Variants in ABCA5 observed in about 807,000 individuals in gnomAD.
The protein encoded by ABCA5 is cholesterol transporter ABCA5.
A neutral mutation model predicts 206.0 loss-of-function variants in ABCA5; 163 were observed. That is an observed-to-expected ratio of 0.79 (90% CI 0.70 to 0.90). The LOEUF (loss-of-function observed/expected upper bound fraction) is 0.90. Ranked by LOEUF, ABCA5 falls within the 40% of genes least tolerant of loss-of-function variation. The pLI, the probability that ABCA5 is intolerant of heterozygous loss-of-function variation, is 0.00. For synonymous variants in ABCA5, 609 were observed against 613.8 expected, an observed-to-expected ratio of 0.99 and a Z score of 0.11; for missense variants, 1,859 against 1,912.9, an observed-to-expected ratio of 0.97 and a Z score of 0.53.
chr17:69,295,490 A>G (rs557191061), intron 10 of ABCA5, among the ~76,000 whole-genome samples: 2 of 152,342 alleles, frequency 1.3e-5, no homozygotes, highest in South Asian at 2.1e-4. Context: ...CATTCGAAGT[A>G]TATGCTTGGA....
In ABCA5 at chr17:69,246,519, A is replaced by G. The variant is rs1171348705; in HGVS notation, c.*1018T>C. On this transcript the variant is annotated 3_prime_UTR_variant, in exon 39 of 39. Coordinates refer to ENST00000392676, the MANE Select transcript of ABCA5 (RefSeq NM_172232.4). ...CACTGCACTTACAATTCTTAATTTA[A>G]CCCTTGAAAGAGTTTATTCATATCC... The G allele has an allele frequency of 6.6e-6, 1 of 151,936 alleles. No individual in the cohort carries two copies. The highest frequency in any genetic ancestry group is 2.4e-5 in the African/African-American group (1 of 41,428). 9.4% of individuals were successfully genotyped at this position (151,936 alleles called of 1,614,324 possible). A position where few individuals can be genotyped will look rare whatever the true frequency, so the allele number is the denominator to read the frequency against.
At chr17:69,291,808 A>G (rs1033048413) in intron 11 of ABCA5, among the ~76,000 whole-genome samples, 1 of 152,116 alleles carries the variant, frequency 6.6e-6, no homozygotes, top group Non-Finnish European at 1.5e-5. Flanking sequence ...TGAAGCAGAA[A>G]TGGCTTATCA....
chr17:69,300,999 A>G, intron 9 of ABCA5, 140 bp downstream of exon 9: 1 of 661,208 alleles, frequency 1.5e-6, no homozygotes, highest in Non-Finnish European at 2.3e-6. Context: ...ATACTTATTT[A>G]AAGTCAAATT....
intron 8 of ABCA5, 55 bp from the exon 9 acceptor site, chr17:69,301,341 G>GCTAA: frequency 1.4e-6 from 2 of 1,471,636 alleles, no homozygotes; most frequent in Non-Finnish European, 1.8e-6. Flanking sequence ...ACAAGCAAAA[G>GCTAA]CTAACACTAC....
At chr17:69,300,438 A>G (rs2075640509) in intron 9 of ABCA5, among the ~76,000 whole-genome samples, 1 of 152,184 alleles carries the variant, frequency 6.6e-6, no homozygotes, top group Non-Finnish European at 1.5e-5. Context: ...GGGGGTTGGG[A>G]ACCTCTAGTC....
At chr17:69,298,531 C>G (rs2075617010) in intron 9 of ABCA5, among the ~76,000 whole-genome samples, 1 of 152,080 alleles carries the variant, frequency 6.6e-6, no homozygotes, top group Admixed American at 6.6e-5. Flanking sequence ...TTTATCAGTA[C>G]TTGGCATTCC....
chr17:69,250,568 A>C lies in ABCA5; in HGVS notation c.4589T>G (p.Leu1530Trp). Residue 1530 changes from leucine to tryptophan, a missense_variant, in exon 36 of 39, where the codon TTG (leucine) becomes TGG (tryptophan). Physicochemically the swap from Leu to Trp is moderately conservative, Grantham distance 61 (BLOSUM62 -2). Transcript: ENST00000392676. ...TATCCAGTCCTTCAATTTAATTTCC[A>C]AAAAGTAGCCTTTTCCAAATTTACT... ...LKSKFGKGYF[L>W]EIKLKDWIEN... 1.2e-6 allele frequency: 2 copies of C among 1,602,032 alleles called. No individual in the cohort carries two copies. Among genetic ancestry groups the C allele is most frequent in the Non-Finnish European group, 1.7e-6 (2 of 1,175,926 alleles).
In ABCA5 at chr17:69,309,442, A is replaced by G. The variant is rs376095034; in HGVS notation, c.308-19T>C. The G allele has an allele frequency of 7.2e-5, 107 of 1,476,872 alleles. 1 individual carries two copies. Among genetic ancestry groups the G allele is most frequent in the Non-Finnish European group, 8.4e-5 (92 of 1,098,902 alleles). 91.5% of individuals were successfully genotyped at this position (1,476,872 alleles called of 1,614,324 possible). On this transcript the variant is annotated intron_variant, in intron 3 of 38. Coordinates refer to ENST00000392676, the MANE Select transcript of ABCA5 (RefSeq NM_172232.4). ...ATTATGACTGTAAGATATCATAACA[A>G]TATAGTTAGCTCACAAATTAAAATA...
chr17:69,271,560 G>GAATTTAATTCTC (rs1259941143), intron 20 of ABCA5, among the ~76,000 whole-genome samples: 65 of 152,210 alleles, frequency 4.3e-4, no homozygotes, highest in African/African-American at 1.6e-3. Context: ...CTTATAGGTA[G>GAATTTAATTCTC]AGTGATCATC....
At chr17:69,298,632 T>G (rs904359653) in intron 9 of ABCA5, among the ~76,000 whole-genome samples, 1 of 152,066 alleles carries the variant, frequency 6.6e-6, no homozygotes, top group Admixed American at 6.6e-5. Context: ...CTGGGATAAT[T>G]GGCAAGCCAC....
intron 10 of ABCA5, among the ~76,000 whole-genome samples, chr17:69,296,748 T>A (rs1026332276): frequency 6.6e-6 from 1 of 152,176 alleles, no homozygotes; most frequent in Non-Finnish European, 1.5e-5. Context: ...GTGGATCACC[T>A]GAGGCTACGA....
Position 69,306,900 on chromosome 17 carries a change from T to C in ABCA5, c.613A>G (p.Met205Val), listed in dbSNP as rs768541929. ...KELESTKAVI[M>V]GETAVVEIDT... ...ATTTCTACAACAGCAGTTTCTCCCA[T>C]AATAACAGCTTTAGTTGACTCCAGC... is the stretch of plus-strand genomic sequence containing the variant. The change falls in exon 6 of 39, where the codon ATG (methionine) becomes GTG (valine). Residue 205 changes from methionine to valine, a missense_variant. Met to Val is a conservative substitution (Grantham distance 21). Transcript: ENST00000392676. The C allele has an allele frequency of 1.9e-6, 3 of 1,589,496 alleles. No individual in the cohort carries two copies. The highest frequency in any genetic ancestry group is 1.4e-5 in the African/African-American group (1 of 73,610).
intron 23 of ABCA5, among the ~76,000 whole-genome samples, chr17:69,267,382 C>G (rs1030382172): frequency 6.6e-6 from 1 of 152,028 alleles, no homozygotes; most frequent in African/African-American, 2.4e-5. Context: ...TCGCTATATG[C>G]CTGAAGGAAA....
intron 34 of ABCA5, 150 bp from the exon 35 acceptor site, chr17:69,252,016 A>ACTTTTATATTCTTTTTCT (rs71144665): frequency 3.3e-6 from 2 of 612,598 alleles, no homozygotes; most frequent in East Asian, 3.5e-5. Flanking sequence ...CCCAACTATG[A>ACTTTTATATTCTTTTTCT]TTTTTTTTTT....
chr17:69,256,430 A>T, intron 28 of ABCA5, 147 bp from the exon 29 acceptor site: 1 of 447,450 alleles, frequency 2.2e-6, no homozygotes, highest in Non-Finnish European at 3.6e-6. Flanking sequence ...TATAAGCGAT[A>T]TTTCTTTTTT....
chr17:69,273,601 G>A lies in ABCA5; in HGVS notation c.2764+358C>T, dbSNP rs183445644. Among the ~76,000 whole-genome samples the A allele has an allele frequency of 2.9e-3, 437 of 151,828 alleles. 4 individuals are homozygous for A. The highest frequency in any genetic ancestry group is 9.7e-3 in the African/African-American group (401 of 41,400). On this transcript the variant is annotated intron_variant, in intron 20 of 38. Coordinates refer to ENST00000392676, the MANE Select transcript of ABCA5 (RefSeq NM_172232.4). ...CTCCCGAGTACCTGAGACTACAGGC[G>A]CGTGCCACCATGCCTGGCTAATTTT... is the stretch of plus-strand genomic sequence containing the variant.
At chr17:69,285,434 G>T (rs2075440487) in intron 17 of ABCA5, 1 of 152,060 alleles carries the variant, frequency 6.6e-6, no homozygotes, top group Admixed American at 6.6e-5. Flanking sequence ...AACAGAGGAA[G>T]GAGACTGAGT....
intron 18 of ABCA5, among the ~76,000 whole-genome samples, chr17:69,281,377 C>T (rs986803139): frequency 6.6e-6 from 1 of 151,930 alleles, no homozygotes. Context: ...ATTTGGGAGA[C>T]TTGCTTCTTT....
chr17:69,318,819 G>A (rs974120676), intron 1 of ABCA5: 6 of 704,636 alleles, frequency 8.5e-6, no homozygotes, highest in African/African-American at 3.5e-5. Flanking sequence ...CATGTCCAAG[G>A]AATATTGTGG....
Sources: allele counts gnomAD v4.1 joint callset (sites outside exome capture counted in the v4.1 genomes callset), GRCh38; gene constraint gnomAD v4.1.1; transcripts MANE v1.5; gene names NCBI Gene and HGNC (gene_info 2026-07-23, HGNC 2026-07-21).